Variants in MCF2L2 observed in about 807,000 individuals in gnomAD.
MCF2L2 encodes probable guanine nucleotide exchange factor MCF2L2.
MCF2L2 carries 102 observed loss-of-function variants against 150.2 expected under a neutral mutation model. That is an observed-to-expected ratio of 0.68 (90% CI 0.58 to 0.80). MCF2L2 has a LOEUF of 0.80. MCF2L2 is among the 30% of genes least tolerant of loss of function. The pLI is 0.00. For synonymous variants in MCF2L2, 465 were observed against 491.3 expected (o/e 0.95, Z 0.71); for missense variants, 1,256 against 1,372.8 (o/e 0.91, Z 1.34).
intron 3 of MCF2L2, chr3:183,378,487 A>T (rs1713323597): frequency 6.6e-6 from 1 of 152,228 alleles, no homozygotes; most frequent in Admixed American, 6.5e-5. Context: ...GTGGAAGAAG[A>T]TGCCAGAAAG....
intron 3 of MCF2L2, among the ~76,000 whole-genome samples, chr3:183,355,745 C>T (rs560569174): frequency 2.0e-5 from 3 of 150,634 alleles, no homozygotes; most frequent in African/African-American, 4.9e-5. Flanking sequence ...GGATTACAGG[C>T]GTGAGCCACC....
intron 2 of MCF2L2, among the ~76,000 whole-genome samples, chr3:183,383,764 ATTTTATT>A (rs1184489799): frequency 7.9e-5 from 12 of 152,092 alleles, no homozygotes; most frequent in Middle Eastern, 3.4e-3. Flanking sequence ...AGTTCCTTAT[ATTTTATT>A]TTTTAATTTT....
chr3:183,303,601 C>T (rs939892554), intron 10 of MCF2L2, among the ~76,000 whole-genome samples: 2 of 152,190 alleles, frequency 1.3e-5, no homozygotes, highest in Non-Finnish European at 2.9e-5. Flanking sequence ...CACGAAGCCC[C>T]GCAGGGACCG....
At chr3:183,204,896 A>G (rs1722417737) in intron 25 of MCF2L2, among the ~76,000 whole-genome samples, 1 of 152,242 alleles carries the variant, frequency 6.6e-6, no homozygotes, top group Admixed American at 6.5e-5. Flanking sequence ...GAAAGAAGCT[A>G]GACAGAAAGG....
At chr3:183,185,549 G>T (rs1244855204) in intron 27 of MCF2L2, among the ~76,000 whole-genome samples, 1 of 152,206 alleles carries the variant, frequency 6.6e-6, no homozygotes, top group East Asian at 1.9e-4. Context: ...ACTTGAGGCT[G>T]GGTCTTTGAG....
intron 12 of MCF2L2, 139 bp downstream of exon 12, chr3:183,296,837 C>T (rs1403466707): frequency 3.3e-5 from 29 of 873,638 alleles, no homozygotes; most frequent in Admixed American, 2.6e-4. Context: ...AAGAGGCCGC[C>T]GGAGGGCTTC....
chr3:183,270,730 A>T lies in MCF2L2; in HGVS notation c.1862+6142T>A. On this transcript the variant is annotated intron_variant, in intron 15 of 29. Coordinates refer to ENST00000328913, the MANE Select transcript of MCF2L2 (RefSeq NM_015078.4). The surrounding 1 kb of genome is among the most constrained non-coding windows in gnomAD (Gnocchi z 4.5). ...TTTTCTGGAGAGGGTAAAACTCCTT[A>T]TCATCCCTGCATCTATGAAAAAATG... 6.2e-7 allele frequency: 1 copy of T among 1,613,768 alleles called. No homozygotes were observed. Among genetic ancestry groups the T allele is most frequent in the East Asian group, 2.2e-5 (1 of 44,888 alleles).
At chr3:183,286,356 T>A (rs951863783) in intron 14 of MCF2L2, among the ~76,000 whole-genome samples, 1 of 152,144 alleles carries the variant, frequency 6.6e-6, no homozygotes, top group Non-Finnish European at 1.5e-5. Context: ...ATCTTTGAGT[T>A]CTAGACCTAA....
At chr3:183,360,991 A>AAG (rs1560040075) in intron 3 of MCF2L2, among the ~76,000 whole-genome samples, 83 of 133,440 alleles carry the variant, frequency 6.2e-4, no homozygotes, top group African/African-American at 2.8e-3. Flanking sequence ...AAGAAAAGAA[A>AAG]AGAAAAGAAA....
chr3:183,381,763 T>C (rs1458473536), intron 2 of MCF2L2, among the ~76,000 whole-genome samples: 1 of 152,204 alleles, frequency 6.6e-6, no homozygotes, highest in African/African-American at 2.4e-5. Flanking sequence ...ACAGATTAGA[T>C]GTTTATCAAG....
At chr3:183,222,300 C>T (rs900508910) in intron 20 of MCF2L2, among the ~76,000 whole-genome samples, 1 of 152,208 alleles carries the variant, frequency 6.6e-6, no homozygotes, top group East Asian at 1.9e-4. Flanking sequence ...TACTGTAATC[C>T]CAGCACTTTG....
At chr3:183,324,734 T>TA (rs147168829) in intron 5 of MCF2L2, among the ~76,000 whole-genome samples, 31 of 146,688 alleles carry the variant, frequency 2.1e-4, no homozygotes, top group South Asian at 6.5e-4. Flanking sequence ...CCCCATCTCT[T>TA]AAAAAAAAAA....
intron 11 of MCF2L2, chr3:183,297,666 T>TCCTC (rs1728602109): frequency 6.3e-5 from 7 of 110,340 alleles, no homozygotes; most frequent in Admixed American, 4.1e-4. Context: ...CTTCCTTCCT[T>TCCTC]CCTCTTTCTT....
chr3:183,300,783 G>A (rs113499196), intron 10 of MCF2L2, among the ~76,000 whole-genome samples: 1 of 151,902 alleles, frequency 6.6e-6, no homozygotes, highest in East Asian at 1.9e-4. Context: ...TTGGGAGGCC[G>A]AGGTGGGCGG....
chr3:183,294,595 G>A (rs1291366506), intron 13 of MCF2L2, among the ~76,000 whole-genome samples: 1 of 144,414 alleles, frequency 6.9e-6, no homozygotes. Context: ...ATACATATAT[G>A]TGTATGTGTG....
At chr3:183,186,544 G>C (rs1291164186) in intron 27 of MCF2L2, among the ~76,000 whole-genome samples, 1 of 152,162 alleles carries the variant, frequency 6.6e-6, no homozygotes, top group Non-Finnish European at 1.5e-5. Context: ...TGGCCACAAT[G>C]GTGAAACTGC....
At chr3:183,252,381 G>C (rs1390072639) in intron 15 of MCF2L2, among the ~76,000 whole-genome samples, 1 of 152,182 alleles carries the variant, frequency 6.6e-6, no homozygotes, top group Non-Finnish European at 1.5e-5. Context: ...CAGTCTGGGA[G>C]ATGCTGAGCC....
intron 1 of MCF2L2, among the ~76,000 whole-genome samples, chr3:183,412,598 C>G (rs1187531013): frequency 2.0e-5 from 3 of 152,178 alleles, no homozygotes; most frequent in Non-Finnish European, 4.4e-5. Context: ...CACACCTGGC[C>G]TTCTCTAATA....
chr3:183,249,519 C>G (rs1292488127), intron 15 of MCF2L2, among the ~76,000 whole-genome samples: 2 of 152,180 alleles, frequency 1.3e-5, no homozygotes, highest in Non-Finnish European at 2.9e-5. Flanking sequence ...GCCCCTCCCC[C>G]ATGCAGAAGA....
Sources: gnomAD v4.1 joint callset for allele counts (sites outside exome capture counted in the v4.1 genomes callset) on GRCh38, gnomAD v4.1.1 for gene constraint, Gnocchi (gnomAD v3.1) non-coding constraint, MANE v1.5 for transcripts, NCBI Gene and HGNC (gene_info 2026-07-23, HGNC 2026-07-21) for gene names.